TRIO: variants seen among roughly 807,000 people sequenced by gnomAD.
TRIO encodes triple functional domain protein.
Under a neutral mutation model 351.9 loss-of-function variants are expected in TRIO, and 58 were observed. The ratio of observed to expected loss-of-function variants is 0.16; its 90% confidence interval spans 0.13 to 0.21. The LOEUF is 0.21. TRIO is among the 10% of genes least tolerant of loss of function. The pLI, the probability that TRIO is intolerant of heterozygous loss-of-function variation, is 1.00. For synonymous variants in TRIO, 1,758 were observed against 1,595.7 expected, an observed-to-expected ratio of 1.10 and a Z score of -2.42; for missense variants, 3,201 against 4,027.8, an observed-to-expected ratio of 0.79 and a Z score of 5.56.
In TRIO at chr5:14,304,452, C is replaced by T; in HGVS notation, c.1369-9C>T. 6 of 1,592,524 alleles carry T rather than the reference C, an allele frequency of 3.8e-6. No individual in the cohort carries two copies. The highest frequency in any genetic ancestry group is 5.1e-6 in the Non-Finnish European group (6 of 1,174,664). ...ATTGATAGAAATAATCTTTTTTTAA[C>T]CTTCCAAGTATATGAGCAACGTGGA... On this transcript the variant is annotated splice_polypyrimidine_tract_variant and intron_variant, in intron 7 of 56. Transcript: ENST00000344204.
chr5:14,281,002 C>T (rs915276557), intron 3 of TRIO, among the ~76,000 whole-genome samples: 6 of 151,976 alleles, frequency 3.9e-5, no homozygotes, highest in Non-Finnish European at 8.8e-5. Context: ...CTGGAGAGTC[C>T]GCAAGTGGGG....
chr5:14,352,624 C>CT (rs1366297532), intron 11 of TRIO, among the ~76,000 whole-genome samples: 2 of 152,206 alleles, frequency 1.3e-5, no homozygotes, highest in African/African-American at 4.8e-5. Context: ...TTATCTAAGA[C>CT]TTTTTTCTCC....
At chr5:14,489,926 C>T (rs1416633160) in intron 48 of TRIO, among the ~76,000 whole-genome samples, 1 of 152,182 alleles carries the variant, frequency 6.6e-6, no homozygotes, top group Non-Finnish European at 1.5e-5. Flanking sequence ...AGTCAAGATG[C>T]CTTACAGAAA....
intron 15 of TRIO, among the ~76,000 whole-genome samples, chr5:14,366,172 A>C (rs1185715711): frequency 2.6e-5 from 4 of 151,998 alleles, no homozygotes; most frequent in African/African-American, 9.7e-5. Flanking sequence ...ACTTTGGGAG[A>C]GGGCTTAGAC....
chr5:14,352,925 G>A (rs907021440), intron 11 of TRIO, among the ~76,000 whole-genome samples: 3 of 151,654 alleles, frequency 2.0e-5, no homozygotes, highest in Non-Finnish European at 2.9e-5. Context: ...AAGGGAAAAC[G>A]TTTGACCCCT....
Position 14,508,262 on chromosome 5 carries a change from T to G in TRIO, c.9134T>G (p.Leu3045Arg). Residue 3045 changes from leucine to arginine, a missense_variant, in exon 57 of 57, where the codon CTC becomes CGC. Coordinates refer to ENST00000344204, the MANE Select transcript of TRIO (RefSeq NM_007118.4). ...PAKRPSAALALQEQWLQAGNG... is the reference protein window; with the variant it reads ...PAKRPSAALARQEQWLQAGNG... ...AAGCGTCCCTCGGCTGCGCTGGCCC[T>G]CCAGGAGCAGTGGCTGCAGGCCGGC... The G allele has an allele frequency of 6.2e-7, 1 of 1,613,938 alleles. No individual in the cohort carries two copies. The highest frequency in any genetic ancestry group is 8.5e-7 in the Non-Finnish European group (1 of 1,180,026).
intron 11 of TRIO, among the ~76,000 whole-genome samples, chr5:14,345,300 A>G (rs962138450): frequency 5.9e-5 from 9 of 152,204 alleles, no homozygotes; most frequent in African/African-American, 1.9e-4. Context: ...CGGATGAAGG[A>G]ATTAACAATA....
chr5:14,399,311 T>C, intron 30 of TRIO: 2 of 496,562 alleles, frequency 4.0e-6, no homozygotes, highest in Non-Finnish European at 7.1e-6. Flanking sequence ...CTGTATCATA[T>C]AACTGCAGGA....
chr5:14,249,365 G>A (rs1794614189), intron 1 of TRIO, among the ~76,000 whole-genome samples: 1 of 152,182 alleles, frequency 6.6e-6, no homozygotes, highest in South Asian at 2.1e-4. Flanking sequence ...ATCACTCCAG[G>A]CAAATGCCAG....
chr5:14,337,902 C>T (rs142028425), intron 11 of TRIO, among the ~76,000 whole-genome samples: 291 of 152,246 alleles, frequency 1.9e-3, no homozygotes, highest in African/African-American at 6.5e-3. Context: ...ATCCTTTCTG[C>T]CAAGGGGCTG....
intron 1 of TRIO, among the ~76,000 whole-genome samples, chr5:14,197,398 C>T (rs1790846034): frequency 6.6e-6 from 1 of 152,198 alleles, no homozygotes; most frequent in Admixed American, 6.5e-5. Context: ...GCTCTTTACC[C>T]TGTCCAGGCT....
At chr5:14,254,858 G>A (rs1794941757) in intron 1 of TRIO, among the ~76,000 whole-genome samples, 1 of 152,196 alleles carries the variant, frequency 6.6e-6, no homozygotes, top group South Asian at 2.1e-4. Context: ...TTTATGGGCA[G>A]GTCTCCCCAG....
chr5:14,387,275 T>G, intron 21 of TRIO, 163 bp from the exon 22 acceptor site: 1 of 594,626 alleles, frequency 1.7e-6, no homozygotes, highest in Non-Finnish European at 2.9e-6. Context: ...TGGTCAGGAA[T>G]CCGGGAGATG....
In TRIO at chr5:14,359,361, T is replaced by C. The variant is rs200680465; in HGVS notation, c.2221T>C (p.Ser741Pro). ...TTCCTCTGTGTGCTCTCGCAGGGAC[T>C]CTGCCATCTCCAGTAACAAGACCCC... ...GEDLIQQLRD[S>P]AISSNKTPHN... The change falls in exon 13 of 57, where the codon TCT (serine) becomes CCT (proline). Residue 741 changes from serine to proline, a missense_variant. Physicochemically the swap from Ser to Pro is moderately conservative, Grantham distance 74 (BLOSUM62 -1). This residue lies in a region of TRIO where 363 missense variants were observed against 553.5 expected (regional missense o/e 0.66). Transcript: ENST00000344204. The C allele has an allele frequency of 1.9e-6, 3 of 1,612,204 alleles. No homozygotes were observed. The highest frequency in any genetic ancestry group is 2.5e-6 in the Non-Finnish European group (3 of 1,178,328).
intron 34 of TRIO, among the ~76,000 whole-genome samples, chr5:14,448,345 G>A (rs1752589892): frequency 6.6e-6 from 1 of 152,234 alleles, no homozygotes; most frequent in African/African-American, 2.4e-5. Context: ...CCTGCCTGGG[G>A]CGGGGGCTGG....
rs1020458072 is a variant in TRIO at position 14,302,612 on chromosome 5, C to A, written c.1369-1849C>A. ...CCGTAAGGTCTGCATAGATATTTTT[C>A]TGCACTCAACAATAAAAGGATTTCC... On this transcript the variant is annotated intron_variant, in intron 7 of 56. Transcript: ENST00000344204. 4.6e-5 allele frequency among the ~76,000 whole-genome samples: 7 copies of A among 152,184 alleles called. 1 individual carries two copies. In the East Asian group the frequency reaches 1.3e-3, roughly 29 times the overall value.
chr5:14,506,453 CTG>C (rs1405096793), intron 55 of TRIO, among the ~76,000 whole-genome samples: 1 of 152,212 alleles, frequency 6.6e-6, no homozygotes, highest in Non-Finnish European at 1.5e-5. Context: ...CTTCTCCACT[CTG>C]GAGCTGTGGG....
intron 40 of TRIO, among the ~76,000 whole-genome samples, chr5:14,474,421 C>G (rs1390546765): frequency 6.6e-6 from 1 of 152,194 alleles, no homozygotes; most frequent in African/African-American, 2.4e-5. Context: ...CTGTACACTT[C>G]CATTCTTCAT....
chr5:14,470,026 C>A (rs1754569615), intron 37 of TRIO, among the ~76,000 whole-genome samples: 1 of 152,250 alleles, frequency 6.6e-6, no homozygotes, highest in African/African-American at 2.4e-5. Context: ...GAGCGTGAAA[C>A]AAGCTCTGCT....
Sources: gnomAD v4.1 joint callset for allele counts (sites outside exome capture counted in the v4.1 genomes callset) on GRCh38, gnomAD v4.1.1 for gene constraint, gnomAD v4.1.1 regional missense constraint, MANE v1.5 for transcripts, NCBI Gene and HGNC (gene_info 2026-07-23, HGNC 2026-07-21) for gene names.